The following PRKG1 variants were observed in gnomAD, a reference collection of about 807,000 sequenced individuals.
PRKG1 encodes cGMP-dependent protein kinase 1.
Under a neutral mutation model 88.1 loss-of-function variants are expected in PRKG1, and 35 were observed. The observed-to-expected ratio is 0.40, with a 90% confidence interval of 0.30 to 0.53. The LOEUF is 0.53. Among genes scored for constraint, PRKG1 ranks in the 20% least tolerant of loss-of-function variants. PRKG1 has a pLI of 0.59. For synonymous variants in PRKG1, 303 were observed against 292.5 expected (o/e 1.04, Z -0.37); for missense variants, 540 against 839.8 (o/e 0.64, Z 4.41).
rs546978521 is a variant in PRKG1, at chr10:52,054,877, G to A, written c.840+316G>A. 2.0e-5 allele frequency among the ~76,000 whole-genome samples: 3 copies of A among 152,282 alleles called. No homozygotes were observed. The South Asian group carries it at 6.2e-4, about 32-fold the overall frequency. On this transcript the variant is annotated intron_variant, in intron 6 of 17. Coordinates refer to ENST00000373980, the MANE Select transcript of PRKG1 (RefSeq NM_006258.4). ...CGGCTGGATGTGATGGCTCATGCCT[G>A]TAACCTCAGCACTTTGGGAGGCCGA...
At chr10:52,010,401 G>A (rs1844850883) in intron 5 of PRKG1, among the ~76,000 whole-genome samples, 1 of 152,016 alleles carries the variant, frequency 6.6e-6, no homozygotes, top group Admixed American at 6.6e-5. Context: ...GATATAAACA[G>A]ACACTTTTCA....
At chr10:52,248,184 CA>C (rs377009551) in intron 9 of PRKG1, among the ~76,000 whole-genome samples, 9 of 152,322 alleles carry the variant, frequency 5.9e-5, no homozygotes, top group African/African-American at 2.2e-4. Flanking sequence ...TGTAAACCCA[CA>C]ACCTTCCAGT....
At chr10:51,947,024 G>T (rs181442801) in intron 5 of PRKG1, among the ~76,000 whole-genome samples, 11 of 152,210 alleles carry the variant, frequency 7.2e-5, no homozygotes, top group African/African-American at 2.7e-4. Context: ...GTCTACAGAG[G>T]TTACTGCTGT....
chr10:51,348,301 G>A (rs1842161418), intron 2 of PRKG1, among the ~76,000 whole-genome samples: 1 of 152,218 alleles, frequency 6.6e-6, no homozygotes, highest in Admixed American at 6.5e-5. Context: ...GTTAATCAGA[G>A]AAAGATTATA....
intron 3 of PRKG1, among the ~76,000 whole-genome samples, chr10:51,536,976 T>C (rs1842172720): frequency 6.6e-6 from 1 of 152,118 alleles, no homozygotes; most frequent in African/African-American, 2.4e-5. Flanking sequence ...TCTTCTAGGA[T>C]TTTTATAGTT....
intron 7 of PRKG1, among the ~76,000 whole-genome samples, chr10:52,090,310 G>A (rs1309341939): frequency 1.3e-5 from 2 of 151,822 alleles, no homozygotes; most frequent in African/African-American, 4.8e-5. Flanking sequence ...AGCTCCCAAT[G>A]GGCAAAGCTA....
chr10:51,752,777 G>A (rs1475042564), intron 3 of PRKG1, among the ~76,000 whole-genome samples: 3 of 152,030 alleles, frequency 2.0e-5, no homozygotes, highest in East Asian at 3.8e-4. Context: ...TGTATACTTC[G>A]TAGAGTGAGA....
At chr10:51,906,733 A>G (rs1282179055) in intron 4 of PRKG1, among the ~76,000 whole-genome samples, 2 of 152,196 alleles carry the variant, frequency 1.3e-5, no homozygotes, top group Admixed American at 1.3e-4. Flanking sequence ...ATTCTCTGCT[A>G]GATTAGGGAA....
intron 3 of PRKG1, among the ~76,000 whole-genome samples, chr10:51,771,194 A>T (rs932956397): frequency 2.0e-5 from 3 of 152,208 alleles, no homozygotes; most frequent in African/African-American, 7.2e-5. Context: ...TAATCAATGT[A>T]TCTAAAGCTA....
At chr10:51,433,857 C>T (rs887285913) in intron 2 of PRKG1, among the ~76,000 whole-genome samples, 1 of 152,092 alleles carries the variant, frequency 6.6e-6, no homozygotes, top group Non-Finnish European at 1.5e-5. Flanking sequence ...ATGGTATTAA[C>T]CATACTTAGT....
chr10:51,424,193 G>T (rs891563292), intron 2 of PRKG1, among the ~76,000 whole-genome samples: 2 of 152,030 alleles, frequency 1.3e-5, no homozygotes, highest in Non-Finnish European at 2.9e-5. Context: ...TTATCCAGGG[G>T]TCACATAGCT....
At position 50,991,706 on chromosome 10, in the gene PRKG1, T is replaced by C; in HGVS notation, c.266+62T>C. Reference sequence around the variant, plus strand: ...GGCCCGCGGCGCAGAGGCTGGGGGCTCTGGCCGCGGCGGCGGGGGCGGGTC... The same window carrying C: ...GGCCCGCGGCGCAGAGGCTGGGGGCCCTGGCCGCGGCGGCGGGGGCGGGTC... On this transcript the variant is annotated intron_variant, in intron 1 of 17. Transcript: ENST00000401604. The surrounding 1 kb of genome is among the most constrained non-coding windows in gnomAD (Gnocchi z 4.5). 8.6e-7 allele frequency: 1 copy of C among 1,165,810 alleles called. No homozygotes were observed. The highest frequency in any genetic ancestry group is 1.1e-6 in the Non-Finnish European group (1 of 939,856). 72.2% of individuals were successfully genotyped at this position (1,165,810 alleles called of 1,614,324 possible).
At chr10:52,247,991 A>T (rs1003382726) in intron 9 of PRKG1, among the ~76,000 whole-genome samples, 2 of 152,256 alleles carry the variant, frequency 1.3e-5, no homozygotes, top group Non-Finnish European at 1.5e-5. Context: ...TATTAAATTA[A>T]CTAAAAGTAT....
intron 4 of PRKG1, among the ~76,000 whole-genome samples, chr10:51,874,141 T>C (rs991717911): frequency 6.6e-5 from 10 of 152,210 alleles, no homozygotes; most frequent in African/African-American, 9.6e-5. Flanking sequence ...TTACTGGGCA[T>C]AGAGTGTAGT....
At position 52,062,497 on chromosome 10, in the gene PRKG1, G is replaced by A. The variant is rs369808027; in HGVS notation, c.841-40G>A. ...ATTAGTGTTCCTTTGTCCATTGTGG[G>A]TAAGCAGTGGATCTAAACTTTCATT... On this transcript the variant is annotated intron_variant, in intron 6 of 17. Coordinates refer to ENST00000373980, the MANE Select transcript of PRKG1 (RefSeq NM_006258.4). 1.7e-5 allele frequency: 22 copies of A among 1,294,624 alleles called. No individual in the cohort carries two copies. The African/African-American group carries it at 2.8e-4, about 17-fold the overall frequency. 80.2% of individuals were successfully genotyped at this position (1,294,624 alleles called of 1,614,324 possible).
intron 3 of PRKG1, among the ~76,000 whole-genome samples, chr10:51,512,350 C>G (rs1301145020): frequency 9.2e-6 from 1 of 108,130 alleles, no homozygotes; most frequent in African/African-American, 3.6e-5. Context: ...CCCCCTCCCC[C>G]CACCCCACCA....
Position 52,268,492 on chromosome 10 carries a change from C to T in PRKG1, c.1174-2858C>T, listed in dbSNP as rs185646361. Among the ~76,000 whole-genome samples the T allele has an allele frequency of 4.6e-3, 695 of 152,110 alleles. 6 individuals are homozygous for T. Among genetic ancestry groups the T allele is most frequent in the African/African-American group, 0.015 (643 of 41,534 alleles). ...AGTGCCTAGGAAAATGTCAGTGAGG[C>T]TTTGGCTGTTCTCCCAAATCACATG... On this transcript the variant is annotated intron_variant, in intron 10 of 17. Transcript: ENST00000373980.
At chr10:51,130,292 A>G (rs1845532669) in intron 1 of PRKG1, among the ~76,000 whole-genome samples, 1 of 152,136 alleles carries the variant, frequency 6.6e-6, no homozygotes, top group South Asian at 2.1e-4. Context: ...AGACCTCATC[A>G]TAGTCCAGAT....
At chr10:51,348,268 T>C (rs1393690396) in intron 2 of PRKG1, among the ~76,000 whole-genome samples, 5 of 152,192 alleles carry the variant, frequency 3.3e-5, no homozygotes, top group Admixed American at 1.3e-4. Context: ...CTTAAACCGA[T>C]ATGTGCAATC....
Sources: gnomAD v4.1 joint callset for allele counts (sites outside exome capture counted in the v4.1 genomes callset) on GRCh38, gnomAD v4.1.1 for gene constraint, Gnocchi (gnomAD v3.1) non-coding constraint, MANE v1.5 for transcripts, NCBI Gene and HGNC (gene_info 2026-07-23, HGNC 2026-07-21) for gene names.